Variants in ZNF777 observed in about 807,000 individuals in gnomAD.
ZNF777 encodes the protein zinc finger protein 777.
ZNF777 carries 7 observed loss-of-function variants against 72.1 expected under a neutral mutation model. The ratio of observed to expected loss-of-function variants is 0.10; its 90% CI spans 0.06 to 0.18. The LOEUF is 0.18. Ranked by LOEUF, ZNF777 falls within the 10% of genes least tolerant of loss-of-function variation. The probability of loss-of-function intolerance (pLI) is 1.00; values close to 1 mark genes in which losing one functional copy is unlikely to be tolerated. For synonymous variants in ZNF777, 545 were observed against 483.5 expected (o/e 1.13, Z -1.67); for missense variants, 828 against 1,128.6 (o/e 0.73, Z 3.82).
At chr7:149,443,443 T>C (rs781584825) in intron 4 of ZNF777, among the ~76,000 whole-genome samples, 2 of 152,230 alleles carry the variant, frequency 1.3e-5, no homozygotes, top group Non-Finnish European at 2.9e-5. Context: ...CTCTGTACTT[T>C]TTCTTTGTGA....
chr7:149,437,798 TCTTTTTC>T (rs1267694602), intron 4 of ZNF777, among the ~76,000 whole-genome samples: 1 of 105,418 alleles, frequency 9.5e-6, no homozygotes, highest in Admixed American at 1.1e-4. Flanking sequence ...TATGTTTGTT[TCTTTTTC>T]TTTTTTTTTT....
intron 4 of ZNF777, among the ~76,000 whole-genome samples, chr7:149,443,866 T>TTC (rs1799564673): frequency 6.6e-6 from 1 of 152,216 alleles, no homozygotes; most frequent in African/African-American, 2.4e-5. Flanking sequence ...CTGTTGGGAT[T>TTC]AGAGGCGCGA....
At chr7:149,445,442 T>C (rs1180927933) in intron 4 of ZNF777, among the ~76,000 whole-genome samples, 1 of 152,172 alleles carries the variant, frequency 6.6e-6, no homozygotes, top group Non-Finnish European at 1.5e-5. Context: ...TCAGTGCATT[T>C]GGGTGAGGCC....
chr7:149,450,598 T>C (rs1175003670), intron 4 of ZNF777, among the ~76,000 whole-genome samples: 2 of 152,204 alleles, frequency 1.3e-5, no homozygotes, highest in East Asian at 1.9e-4. Context: ...AGGATGTTTC[T>C]GGTAAACTCC....
chr7:149,455,804 A>G lies in ZNF777; in HGVS notation c.219T>C (p.His73=). The G allele has an allele frequency of 1.9e-6, 3 of 1,612,670 alleles. No individual in the cohort carries two copies. Among genetic ancestry groups the G allele is most frequent in the Non-Finnish European group, 2.5e-6 (3 of 1,178,944 alleles). The change falls in exon 2 of 6, where the codon CAT becomes CAC. Residue 73 remains histidine, a synonymous_variant. Transcript: ENST00000247930. This position sits in a 1 kb window ranked among gnomAD's most constrained non-coding sequence, Gnocchi z 4.2. The stretch of plus-strand genomic sequence containing the variant: ...GGAGTGAGGGTCCCTTCTGGAGCAC[A>G]TGTGGCATCCGGCCAGAAGTCTCTT... The part of the protein sequence containing the change: ...PKQETSGRMP[H]VLQKGPSLLC...
At chr7:149,437,526 G>T (rs1027567536) in intron 4 of ZNF777, among the ~76,000 whole-genome samples, 1 of 152,114 alleles carries the variant, frequency 6.6e-6, no homozygotes, top group Admixed American at 6.5e-5. Context: ...ATCCTGTTAC[G>T]CACTGCCCTG....
rs1799802488 is a variant in ZNF777, at chr7:149,455,285, C to T, written c.738G>A (p.Gln246=). 6.2e-7 allele frequency: 1 copy of T among 1,614,096 alleles called. No homozygotes were observed. The highest frequency in any genetic ancestry group is 8.5e-7 in the Non-Finnish European group (1 of 1,180,042). ...SKWVVLGTLL[Q]EYGLLQRRLE... ...GCCGCCTCTGCAGCAGCCCATACTC[C>T]TGCAGCAGGGTCCCCAACACGACCC... The change falls in exon 2 of 6, where the codon CAG becomes CAA. Residue 246 remains glutamine, a synonymous_variant. Coordinates refer to ENST00000247930, the MANE Select transcript of ZNF777 (RefSeq NM_015694.3). This position sits in a 1 kb window ranked among gnomAD's most constrained non-coding sequence, Gnocchi z 4.2.
At position 149,455,669 on chromosome 7, in the gene ZNF777, G is replaced by A. The variant is rs558589253; in HGVS notation, c.354C>T (p.Leu118=). The A allele has an allele frequency of 6.4e-7, 1 of 1,567,226 alleles. No homozygotes were observed. The highest frequency in any genetic ancestry group is 1.4e-5 in the African/African-American group (1 of 73,180). Residue 118 remains leucine (L), a synonymous_variant, in exon 2 of 6, where the codon CTC becomes CTT. Transcript: ENST00000247930. This position sits in a 1 kb window ranked among gnomAD's most constrained non-coding sequence, Gnocchi z 4.2. ...CTTCCTGGTGGTGGGGGGAGTGGGAGAGAAGGGAGACTTCTTGTTCAGCAG... is the reference window on the plus strand; with the variant it reads ...CTTCCTGGTGGTGGGGGGAGTGGGAAAGAAGGGAGACTTCTTGTTCAGCAG... The part of the protein sequence containing the change: ...PAAAEQEVSL[L]SHSPHHQEAP...
chr7:149,432,785 G>C lies in ZNF777; in HGVS notation c.1487C>G (p.Ser496Cys). 1.2e-6 allele frequency: 2 copies of C among 1,608,980 alleles called. No homozygotes were observed. Among genetic ancestry groups the C allele is most frequent in the Non-Finnish European group, 1.7e-6 (2 of 1,176,364 alleles). ...CGGGGGGCTCTCCTCGCCCTCGGGG[G>C]ACATCTCCCCGGGCAGCGGGGTCTG... Reference protein sequence around the residue: ...MYQTPLPGEMSPEGEESPPPL... With the variant: ...MYQTPLPGEMCPEGEESPPPL... The change falls in exon 6 of 6, where the codon TCC (serine) becomes TGC (cysteine). Residue 496 changes from serine (S) to cysteine (C), a missense_variant. This residue lies in a region of ZNF777 where 219 missense variants were observed against 223.0 expected (regional missense o/e 0.98). Coordinates refer to ENST00000247930, the MANE Select transcript of ZNF777 (RefSeq NM_015694.3).
At chr7:149,458,375 G>A (rs1799873529) in intron 1 of ZNF777, among the ~76,000 whole-genome samples, 1 of 152,128 alleles carries the variant, frequency 6.6e-6, no homozygotes, top group African/African-American at 2.4e-5. Context: ...AACACAATAG[G>A]CACATTACAG....
intron 4 of ZNF777, among the ~76,000 whole-genome samples, chr7:149,443,935 C>T (rs1274771430): frequency 6.6e-6 from 1 of 152,178 alleles, no homozygotes; most frequent in Non-Finnish European, 1.5e-5. Flanking sequence ...TCCTCTGCCC[C>T]CATTTCCTGC....
At chr7:149,446,385 A>T (rs1032774718) in intron 4 of ZNF777, among the ~76,000 whole-genome samples, 9 of 152,164 alleles carry the variant, frequency 5.9e-5, no homozygotes, top group African/African-American at 2.2e-4. Context: ...CAAAAAAAAA[A>T]GGAAGGATTT....
chr7:149,441,951 C>T (rs772399948), intron 4 of ZNF777, among the ~76,000 whole-genome samples: 2 of 151,654 alleles, frequency 1.3e-5, no homozygotes, highest in African/African-American at 2.4e-5. Flanking sequence ...ACACTTGATA[C>T]GAAACCCAGA....
chr7:149,435,937 T>G (rs778909494), intron 5 of ZNF777, among the ~76,000 whole-genome samples: 9 of 152,182 alleles, frequency 5.9e-5, no homozygotes, highest in Non-Finnish European at 1.2e-4. Context: ...ATTCAAAAAA[T>G]ACATCATGAT....
intron 5 of ZNF777, among the ~76,000 whole-genome samples, chr7:149,434,932 G>A (rs940754659): frequency 1.3e-5 from 2 of 152,044 alleles, no homozygotes; most frequent in African/African-American, 4.8e-5. Flanking sequence ...CAAACATTTG[G>A]CCCTAAAACT....
At chr7:149,444,955 C>A (rs1417837619) in intron 4 of ZNF777, among the ~76,000 whole-genome samples, 1 of 152,140 alleles carries the variant, frequency 6.6e-6, no homozygotes, top group Non-Finnish European at 1.5e-5. Flanking sequence ...GTTGATAATT[C>A]CCACCTGTTT....
At chr7:149,456,403 G>A (rs976761723) in intron 1 of ZNF777, among the ~76,000 whole-genome samples, 1 of 152,116 alleles carries the variant, frequency 6.6e-6, no homozygotes. Context: ...ACTCTGGATC[G>A]GTCGTTTGAC....
In ZNF777 at chr7:149,436,454, A is replaced by G; in HGVS notation, c.1339+121T>C. ...AGGCCGTGCTTGGTAATTCTTTCCC[A>G]CCTGTTGCCCCATCAGTGTCCAGCT... is the stretch of plus-strand genomic sequence containing the variant. On this transcript the variant is annotated intron_variant, in intron 5 of 5. Transcript: ENST00000247930. This position sits in a 1 kb window ranked among gnomAD's most constrained non-coding sequence, Gnocchi z 5.0. 1 of 1,211,552 alleles carries G rather than the reference A, an allele frequency of 8.3e-7. No homozygotes were observed. The highest frequency in any genetic ancestry group is 1.1e-6 in the Non-Finnish European group (1 of 874,060). The allele number at this position is 1,211,552 out of a possible 1,614,324, so 75.1% of individuals were successfully genotyped here.
chr7:149,432,674 G>C lies in ZNF777; in HGVS notation c.1598C>G (p.Ser533Trp). 1.2e-6 allele frequency: 2 copies of C among 1,612,952 alleles called. No homozygotes were observed. The highest frequency in any genetic ancestry group is 1.7e-6 in the Non-Finnish European group (2 of 1,179,618). The change falls in exon 6 of 6, where the codon TCG (serine) becomes TGG (tryptophan). Residue 533 changes from serine to tryptophan, a missense_variant. Ser to Trp is a radical substitution (Grantham distance 177, BLOSUM62 -3). Transcript: ENST00000247930. The part of the protein sequence containing the change: ...ERHLSENRGA[S>W]SQQQRNRRGE... ...GCGCCGGTTCCGCTGCTGCTGGCTC[G>C]AGGCCCCGCGGTTCTCGCTCAGGTG...
Sources: gnomAD v4.1 joint callset for allele counts (sites outside exome capture counted in the v4.1 genomes callset) on GRCh38, gnomAD v4.1.1 for gene constraint, gnomAD v4.1.1 regional missense constraint, Gnocchi (gnomAD v3.1) non-coding constraint, MANE v1.5 for transcripts, NCBI Gene and HGNC (gene_info 2026-07-23, HGNC 2026-07-21) for gene names.